SCFD1: variants seen among roughly 807,000 people sequenced by gnomAD.
The protein encoded by SCFD1 is sec1 family domain-containing protein 1.
Under a neutral mutation model 103.2 loss-of-function variants are expected in SCFD1, and 37 were observed. That is an observed-to-expected ratio of 0.36 (90% CI 0.28 to 0.47). The LOEUF (loss-of-function observed/expected upper bound fraction) is 0.47. Ranked by LOEUF, SCFD1 falls within the 20% of genes least tolerant of loss-of-function variation. The pLI is 1.00. For synonymous variants in SCFD1, 264 were observed against 245.0 expected, an observed-to-expected ratio of 1.08 and a Z score of -0.73; for missense variants, 639 against 761.2, an observed-to-expected ratio of 0.84 and a Z score of 1.89.
Position 30,682,117 on chromosome 14 carries a change from G to C in SCFD1, c.1242+7052G>C, listed in dbSNP as rs115784152. ...GGTTATACATTCTGATTTGGTCCTG[G>C]AATGCTAGAAATTCAATGTTTTTGG... is the stretch of plus-strand genomic sequence containing the variant. On this transcript the variant is annotated intron_variant, in intron 14 of 24. Transcript: ENST00000458591. Among the ~76,000 whole-genome samples, 786 of 152,260 alleles carry C rather than the reference G, an allele frequency of 5.2e-3. 8 individuals carry two copies. The highest frequency in any genetic ancestry group is 0.017 in the African/African-American group (722 of 41,562).
Position 30,735,838 on chromosome 14 carries a change from A to G in SCFD1, c.*229A>G. 1 of 413,778 alleles carries G rather than the reference A, an allele frequency of 2.4e-6. No homozygotes were observed. The highest frequency in any genetic ancestry group is 4.1e-5 in the East Asian group (1 of 24,498). The allele number at this position is 413,778 out of a possible 1,614,324, so 25.6% of individuals were successfully genotyped here. Reference sequence around the variant, plus strand: ...CATTTTCTCTGATAAATCAGAAAGTACTAATATAATAACTAATAGGTTATG... The same window carrying G: ...CATTTTCTCTGATAAATCAGAAAGTGCTAATATAATAACTAATAGGTTATG... On this transcript the variant is annotated 3_prime_UTR_variant, in exon 25 of 25. Transcript: ENST00000458591.
In SCFD1 at chr14:30,703,532, T is replaced by C. The variant is rs117133861; in HGVS notation, c.1490+1157T>C. On this transcript the variant is annotated intron_variant, in intron 17 of 24. Coordinates refer to ENST00000458591, the MANE Select transcript of SCFD1 (RefSeq NM_016106.4). The stretch of plus-strand genomic sequence containing the variant: ...GTGCTTTTCTTTATTTTTCAAATTT[T>C]CTACAAAAACTATTACCTTCAAAAT... 6.0e-3 allele frequency among the ~76,000 whole-genome samples: 904 copies of C among 151,524 alleles called. 3 individuals are homozygous for C. The highest frequency in any genetic ancestry group is 0.014 in the Middle Eastern group (4 of 294).
intron 23 of SCFD1, among the ~76,000 whole-genome samples, chr14:30,729,470 G>GT (rs1389304252): frequency 6.6e-6 from 1 of 152,066 alleles, no homozygotes; most frequent in African/African-American, 2.4e-5. Flanking sequence ...CCATGTAATG[G>GT]TTTTTTGGCA....
intron 10 of SCFD1, among the ~76,000 whole-genome samples, chr14:30,667,551 G>A (rs979346187): frequency 3.3e-5 from 5 of 152,144 alleles, no homozygotes; most frequent in Admixed American, 3.3e-4. Context: ...GGAAGTTCTG[G>A]CCAGGGCAGT....
At chr14:30,684,685 G>A (rs560768303) in intron 14 of SCFD1, among the ~76,000 whole-genome samples, 1 of 137,432 alleles carries the variant, frequency 7.3e-6, no homozygotes, top group African/African-American at 2.7e-5. Context: ...TCCACGCATA[G>A]TGCTTTTGAT....
At chr14:30,716,066 GT>G in intron 20 of SCFD1, 89 bp downstream of exon 20, 1 of 780,990 alleles carries the variant, frequency 1.3e-6, no homozygotes, top group Non-Finnish European at 2.2e-6. Context: ...TGAGTTCCTT[GT>G]GAGCTTAATC....
At chr14:30,644,046 C>CT (rs1479584872) in intron 7 of SCFD1, 1 of 448,394 alleles carries the variant, frequency 2.2e-6, no homozygotes, top group East Asian at 7.0e-5. Context: ...TTATTCTCAT[C>CT]TTTGTGTCTT....
intron 23 of SCFD1, among the ~76,000 whole-genome samples, chr14:30,732,009 T>C (rs1460761762): frequency 3.3e-5 from 5 of 152,176 alleles, no homozygotes; most frequent in Non-Finnish European, 5.9e-5. Flanking sequence ...ATAGCTCTTA[T>C]TATTTTGAGA....
chr14:30,667,144 C>T (rs919088795), intron 10 of SCFD1, among the ~76,000 whole-genome samples: 8 of 152,104 alleles, frequency 5.3e-5, no homozygotes, highest in East Asian at 3.8e-4. Context: ...AACATCAATG[C>T]GAAAATCCTC....
chr14:30,623,292 T>C (rs575098664), intron 1 of SCFD1, among the ~76,000 whole-genome samples: 2 of 152,324 alleles, frequency 1.3e-5, no homozygotes, highest in African/African-American at 4.8e-5. Flanking sequence ...CTGTTGGATA[T>C]AAATATGAAT....
At chr14:30,651,959 T>C (rs142333591) in intron 9 of SCFD1, among the ~76,000 whole-genome samples, 4 of 152,310 alleles carry the variant, frequency 2.6e-5, no homozygotes, top group East Asian at 3.9e-4. Context: ...CATCCTATAA[T>C]GCACACCACA....
At chr14:30,658,269 C>T in intron 10 of SCFD1, 1 of 179,702 alleles carries the variant, frequency 5.6e-6, no homozygotes, top group South Asian at 1.0e-4. Context: ...TACTAATAGA[C>T]ATAGGGACTT....
chr14:30,711,423 C>A (rs1891861049), intron 19 of SCFD1, among the ~76,000 whole-genome samples: 1 of 152,120 alleles, frequency 6.6e-6, no homozygotes, highest in African/African-American at 2.4e-5. Context: ...GCCTGGGCAA[C>A]ATGGCAAAAG....
upstream of SCFD1, chr14:30,622,299 G>C (rs753599237): frequency 5.6e-6 from 9 of 1,592,970 alleles, no homozygotes; most frequent in African/African-American, 1.1e-4. Flanking sequence ...TCATCCCCCC[G>C]CTCCGCTCCC....
intron 15 of SCFD1, among the ~76,000 whole-genome samples, chr14:30,696,889 A>G (rs1002871175): frequency 2.8e-4 from 42 of 152,224 alleles, no homozygotes; most frequent in Admixed American, 1.4e-3. Flanking sequence ...AAATAAATAT[A>G]TTGGATAATA....
intron 4 of SCFD1, among the ~76,000 whole-genome samples, chr14:30,635,291 T>C (rs1231887334): frequency 6.6e-6 from 1 of 152,160 alleles, no homozygotes; most frequent in Non-Finnish European, 1.5e-5. Flanking sequence ...TTCACACATT[T>C]AAGGAGCACA....
chr14:30,662,683 T>C (rs987509545), intron 10 of SCFD1, among the ~76,000 whole-genome samples: 2 of 152,200 alleles, frequency 1.3e-5, no homozygotes, highest in Non-Finnish European at 2.9e-5. Context: ...ATAAAAGATA[T>C]TTTTATTTTA....
intron 18 of SCFD1, 66 bp downstream of exon 18, chr14:30,705,951 A>G: frequency 2.4e-6 from 3 of 1,269,018 alleles, no homozygotes; most frequent in Non-Finnish European, 3.4e-6. Context: ...TTCATGCCTT[A>G]AAAACACAAT....
intron 19 of SCFD1, among the ~76,000 whole-genome samples, chr14:30,714,231 G>A (rs1419178845): frequency 6.6e-6 from 1 of 151,628 alleles, no homozygotes; most frequent in Non-Finnish European, 1.5e-5. Flanking sequence ...GCGGGCGCCT[G>A]TAGTCCCAGC....
Sources: gnomAD v4.1 joint callset for allele counts (sites outside exome capture counted in the v4.1 genomes callset) on GRCh38, gnomAD v4.1.1 for gene constraint, MANE v1.5 for transcripts, NCBI Gene and HGNC (gene_info 2026-07-23, HGNC 2026-07-21) for gene names.